Variants in COX7B2 observed in about 807,000 individuals in gnomAD.
The protein encoded by COX7B2 is cytochrome c oxidase subunit 7B2, also known as cytochrome c oxidase subunit 7B2, mitochondrial.
For missense variants in COX7B2, 109 were observed against 95.9 expected (o/e 1.14, Z -0.57); for synonymous variants, 37 against 32.1 (o/e 1.15, Z -0.51).
intron 2 of COX7B2, among the ~76,000 whole-genome samples, chr4:46,781,715 G>A (rs375787969): frequency 2.6e-5 from 4 of 152,310 alleles, no homozygotes; most frequent in South Asian, 4.1e-4. Flanking sequence ...TGCGCCTGGC[G>A]CTCACCAGCC....
At chr4:46,740,878 G>T (rs2109398555) in intron 2 of COX7B2, among the ~76,000 whole-genome samples, 1 of 152,146 alleles carries the variant, frequency 6.6e-6, no homozygotes, top group Admixed American at 6.6e-5. Context: ...GCTGATTTCT[G>T]TTCAAAATCA....
intron 2 of COX7B2, among the ~76,000 whole-genome samples, chr4:46,822,564 C>A (rs1197075456): frequency 6.6e-6 from 1 of 151,814 alleles, no homozygotes; most frequent in African/African-American, 2.4e-5. Context: ...GAAAAACTGG[C>A]AAAGAAACAG....
chr4:46,878,500 T>G (rs532989112), intron 1 of COX7B2, among the ~76,000 whole-genome samples: 3 of 149,150 alleles, frequency 2.0e-5, no homozygotes, highest in Non-Finnish European at 3.0e-5. Flanking sequence ...TATATATATA[T>G]AGACACATAT....
intron 1 of COX7B2, among the ~76,000 whole-genome samples, chr4:46,865,714 G>A (rs1056179102): frequency 2.6e-5 from 4 of 152,122 alleles, no homozygotes; most frequent in African/African-American, 7.2e-5. Flanking sequence ...TTCAGTGTGG[G>A]TGGGAGAAAA....
intron 1 of COX7B2, among the ~76,000 whole-genome samples, 159 bp from the exon 2 acceptor site, chr4:46,845,173 G>A (rs1372437227): frequency 6.6e-6 from 1 of 151,958 alleles, no homozygotes; most frequent in Non-Finnish European, 1.5e-5. Context: ...TAATTTTTAA[G>A]AAACAAAGTT....
intron 2 of COX7B2, among the ~76,000 whole-genome samples, chr4:46,777,376 C>CAG (rs140877565): frequency 1.3e-3 from 191 of 149,484 alleles, no homozygotes; most frequent in African/African-American, 4.3e-3. Flanking sequence ...AGTGGAGTGC[C>CAG]AGAGAGAGAG....
rs950720017 is a variant in COX7B2 at position 46,781,766 on chromosome 4, C to G, written c.-49-46525G>C. On this transcript the variant is annotated intron_variant, in intron 2 of 2. Transcript: ENST00000355591. ...TGGGCGCAGGCTCAGCAGGCCCCAC[C>G]CTTGGAGTGACCAGCTGGTGCTGCC... Among the ~76,000 whole-genome samples the G allele has an allele frequency of 1.1e-4, 17 of 152,348 alleles. No homozygotes were observed. In the East Asian group the frequency reaches 3.3e-3, roughly 30 times the overall value.
At chr4:46,868,180 A>C (rs1717783739) in intron 1 of COX7B2, among the ~76,000 whole-genome samples, 1 of 152,154 alleles carries the variant, frequency 6.6e-6, no homozygotes. Context: ...TGTTCACAGT[A>C]GTTTCTGATG....
intron 2 of COX7B2, among the ~76,000 whole-genome samples, chr4:46,833,660 A>G (rs1715317934): frequency 1.3e-5 from 2 of 152,208 alleles, no homozygotes; most frequent in Admixed American, 6.5e-5. Context: ...ATGGGAATTG[A>G]TGACTATGAG....
chr4:46,823,734 A>T (rs571391777), intron 2 of COX7B2, among the ~76,000 whole-genome samples: 49 of 151,976 alleles, frequency 3.2e-4, no homozygotes, highest in African/African-American at 1.2e-3. Context: ...AAGCCAAAAT[A>T]AGGAAAAAAT....
At chr4:46,758,987 A>C (rs1463238108) in intron 2 of COX7B2, among the ~76,000 whole-genome samples, 23 of 152,122 alleles carry the variant, frequency 1.5e-4, no homozygotes, top group Non-Finnish European at 1.5e-5. Flanking sequence ...AAAATAGTGA[A>C]TAAGATTGTG....
At chr4:46,856,665 C>G (rs962080764) in intron 1 of COX7B2, among the ~76,000 whole-genome samples, 1 of 152,124 alleles carries the variant, frequency 6.6e-6, no homozygotes, top group Non-Finnish European at 1.5e-5. Flanking sequence ...CTAGAAAGCA[C>G]CTTTCTCTCA....
At chr4:46,735,938 A>G (rs911951042) in intron 2 of COX7B2, among the ~76,000 whole-genome samples, 1 of 152,224 alleles carries the variant, frequency 6.6e-6, no homozygotes, top group Non-Finnish European at 1.5e-5. Flanking sequence ...CCCTGACCCT[A>G]TACACCCACA....
chr4:46,814,085 C>G (rs907462760), intron 2 of COX7B2, among the ~76,000 whole-genome samples: 5 of 152,004 alleles, frequency 3.3e-5, no homozygotes, highest in Non-Finnish European at 7.4e-5. Context: ...CTGTTGGTAA[C>G]CATTATGGAA....
chr4:46,842,017 G>C (rs192547311), intron 2 of COX7B2, among the ~76,000 whole-genome samples: 8 of 152,056 alleles, frequency 5.3e-5, no homozygotes, highest in Non-Finnish European at 1.0e-4. Flanking sequence ...TGGTGGATTA[G>C]AAGGATGCAA....
chr4:46,857,743 C>T (rs973375337), intron 1 of COX7B2, among the ~76,000 whole-genome samples: 3 of 152,136 alleles, frequency 2.0e-5, no homozygotes, highest in Admixed American at 1.3e-4. Flanking sequence ...CAGATCAAAA[C>T]ACAGAGTTTT....
chr4:46,740,432 A>T (rs760054096), intron 2 of COX7B2, among the ~76,000 whole-genome samples: 1 of 152,088 alleles, frequency 6.6e-6, no homozygotes, highest in Non-Finnish European at 1.5e-5. Context: ...TATAATGAAG[A>T]TCAATTCAGT....
intron 2 of COX7B2, among the ~76,000 whole-genome samples, chr4:46,817,088 A>G (rs1446140848): frequency 6.6e-6 from 1 of 152,218 alleles, no homozygotes; most frequent in Admixed American, 6.5e-5. Context: ...ATAGAGTCAT[A>G]ACTGAGGGGA....
At chr4:46,883,813 T>G (rs1718898220) in intron 1 of COX7B2, among the ~76,000 whole-genome samples, 1 of 152,048 alleles carries the variant, frequency 6.6e-6, no homozygotes, top group African/African-American at 2.4e-5. Flanking sequence ...TTTAAATTCT[T>G]GTCAAGGTCT....
Sources: gnomAD v4.1 joint callset for allele counts (sites outside exome capture counted in the v4.1 genomes callset) on GRCh38, gnomAD v4.1.1 for gene constraint, MANE v1.5 for transcripts, NCBI Gene and HGNC (gene_info 2026-07-23, HGNC 2026-07-21) for gene names.